Variants in NCOA2 observed in about 807,000 individuals in gnomAD.
NCOA2 encodes nuclear receptor coactivator 2, also known as class E basic helix-loop-helix protein 75.
A neutral mutation model predicts 145.1 loss-of-function variants in NCOA2; 21 were observed. The ratio of observed to expected loss-of-function variants is 0.14; its 90% CI spans 0.10 to 0.21. The LOEUF (loss-of-function observed/expected upper bound fraction) is 0.21. Ranked by LOEUF, NCOA2 falls within the 10% of genes least tolerant of loss-of-function variation. NCOA2 has a pLI of 1.00. For synonymous variants in NCOA2, 619 were observed against 637.5 expected (o/e 0.97, Z 0.44); for missense variants, 1,472 against 1,837.6 (o/e 0.80, Z 3.64).
chr8:70,194,096 T>G (rs954325891), intron 4 of NCOA2, among the ~76,000 whole-genome samples: 10 of 152,264 alleles, frequency 6.6e-5, no homozygotes, highest in African/African-American at 2.4e-4. Flanking sequence ...TTTTCTCTGC[T>G]GTGTATTTTT....
chr8:70,119,523 G>A (rs904456684), intron 22 of NCOA2, among the ~76,000 whole-genome samples: 1 of 152,202 alleles, frequency 6.6e-6, no homozygotes, highest in African/African-American at 2.4e-5. Flanking sequence ...ATAACCACAA[G>A]AGTGCAGGTA....
chr8:70,113,133 G>A lies in NCOA2; in HGVS notation c.*499C>T, dbSNP rs560052159. 2 of 204,430 alleles carry A rather than the reference G, an allele frequency of 9.8e-6. No individual in the cohort carries two copies. Among genetic ancestry groups the A allele is most frequent in the African/African-American group, 4.6e-5 (2 of 43,582 alleles). 12.7% of individuals were successfully genotyped at this position (204,430 alleles called of 1,614,324 possible). ...CTGTCCTGCTTCCATCCCAAATTCA[G>A]GCTTTAGCTTAAAACATCTTTAGTT... On this transcript the variant is annotated 3_prime_UTR_variant, in exon 23 of 23. Transcript: ENST00000452400.
chr8:70,323,380 T>C (rs906193938), intron 1 of NCOA2, among the ~76,000 whole-genome samples: 2 of 152,172 alleles, frequency 1.3e-5, no homozygotes, highest in Non-Finnish European at 2.9e-5. Context: ...CAGTTATAAA[T>C]ATAAATTACA....
intron 2 of NCOA2, among the ~76,000 whole-genome samples, chr8:70,281,287 C>T (rs1055117651): frequency 7.9e-6 from 1 of 126,342 alleles, no homozygotes; most frequent in East Asian, 2.6e-4. Flanking sequence ...ACATGGGAGG[C>T]GGAGGTTGTA....
chr8:70,389,391 C>G (rs1299793845), intron 1 of NCOA2, among the ~76,000 whole-genome samples: 1 of 152,130 alleles, frequency 6.6e-6, no homozygotes, highest in African/African-American at 2.4e-5. Flanking sequence ...AGCGATTCTC[C>G]TGCCTCAGCC....
At chr8:70,425,205 T>A in the NCOA2 span, among the ~76,000 whole-genome samples, 1 of 152,188 alleles carries the variant, frequency 6.6e-6, no homozygotes, top group African/African-American at 2.4e-5. Flanking sequence ...GTTATTTCCA[T>A]CTCCATTCCA....
chr8:70,345,629 T>G (rs978450896), intron 1 of NCOA2, among the ~76,000 whole-genome samples: 1 of 152,234 alleles, frequency 6.6e-6, no homozygotes, highest in African/African-American at 2.4e-5. Context: ...CATCAACTTA[T>G]TGTGCTTAGT....
chr8:70,217,192 G>A (rs1316766405), intron 2 of NCOA2, among the ~76,000 whole-genome samples: 1 of 152,198 alleles, frequency 6.6e-6, no homozygotes, highest in Non-Finnish European at 1.5e-5. Context: ...TGCTGCAACA[G>A]CTCACCCACA....
chr8:70,417,920 C>T, the NCOA2 span, among the ~76,000 whole-genome samples: 44 of 149,546 alleles, frequency 2.9e-4, no homozygotes, highest in Admixed American at 2.5e-3. Flanking sequence ...TTCAGAGGCA[C>T]GAGAGAGCCA....
At position 70,386,694 on chromosome 8, in the gene NCOA2, G is replaced by T. The variant is rs534536485; in HGVS notation, c.-77+17006C>A. ...TCAATCTTCCTTAGTGATAACCAGA[G>T]AATCCAATCCCAGAAGACTTCTTTA... On this transcript the variant is annotated intron_variant, in intron 1 of 22. Transcript: ENST00000452400. 2.0e-5 allele frequency among the ~76,000 whole-genome samples: 3 copies of T among 152,204 alleles called. No individual in the cohort carries two copies. In the South Asian group the frequency reaches 6.2e-4, roughly 32 times the overall value.
At chr8:70,152,799 G>A (rs765847089) in intron 11 of NCOA2, among the ~76,000 whole-genome samples, 23 of 152,176 alleles carry the variant, frequency 1.5e-4, no homozygotes, top group Non-Finnish European at 3.4e-4. Context: ...TAATAAGTTA[G>A]TAATAGGTTA....
intron 2 of NCOA2, chr8:70,273,241 T>C (rs1305939770): frequency 1.6e-5 from 3 of 191,284 alleles, no homozygotes; most frequent in African/African-American, 4.7e-5. Context: ...TGCAACATGA[T>C]GCCAAAAAAC....
chr8:70,405,261 G>GGT (rs201624770), upstream of NCOA2, among the ~76,000 whole-genome samples: 1,386 of 151,922 alleles, frequency 9.1e-3, 5 homozygotes, highest in Non-Finnish European at 0.014. Context: ...AAATGTGTGG[G>GGT]GTGTGTGTGT....
chr8:70,435,662 T>C, the NCOA2 span, among the ~76,000 whole-genome samples: 2 of 151,056 alleles, frequency 1.3e-5, no homozygotes, highest in Non-Finnish European at 2.9e-5. Context: ...GCCTAACACA[T>C]AAACAGCAAT....
intron 1 of NCOA2, among the ~76,000 whole-genome samples, chr8:70,311,180 T>C (rs998840390): frequency 2.1e-5 from 3 of 143,392 alleles, no homozygotes; most frequent in African/African-American, 8.2e-5. Flanking sequence ...CCAGTAATAT[T>C]TGAGGCAAAG....
At chr8:70,291,851 G>A (rs564955002) in intron 2 of NCOA2, among the ~76,000 whole-genome samples, 17 of 152,220 alleles carry the variant, frequency 1.1e-4, no homozygotes, top group African/African-American at 2.9e-4. Context: ...TGTAATCCCA[G>A]CACTTTGGGA....
chr8:70,251,006 T>A (rs1823123237), intron 2 of NCOA2, among the ~76,000 whole-genome samples: 1 of 152,196 alleles, frequency 6.6e-6, no homozygotes, highest in Non-Finnish European at 1.5e-5. Flanking sequence ...CCATTTGAAT[T>A]TATTGTTTCC....
At chr8:70,398,117 G>T (rs1813863795) in intron 1 of NCOA2, among the ~76,000 whole-genome samples, 1 of 152,138 alleles carries the variant, frequency 6.6e-6, no homozygotes, top group African/African-American at 2.4e-5. Context: ...TAAAATGAAT[G>T]AAGCAATAGT....
At chr8:70,275,935 AAAATACT>A (rs1825432926) in intron 2 of NCOA2, among the ~76,000 whole-genome samples, 1 of 152,216 alleles carries the variant, frequency 6.6e-6, no homozygotes, top group Admixed American at 6.5e-5. Context: ...GTTTGGCCAA[AAAATACT>A]AAACTTTGCA....
Sources: allele counts gnomAD v4.1 joint callset (sites outside exome capture counted in the v4.1 genomes callset), GRCh38; gene constraint gnomAD v4.1.1; transcripts MANE v1.5; gene names NCBI Gene and HGNC (gene_info 2026-07-23, HGNC 2026-07-21).